The following SUGCT variants were observed in gnomAD, a reference collection of about 807,000 sequenced individuals.
SUGCT encodes succinyl-CoA:glutarate-CoA transferase.
A neutral mutation model predicts 55.0 loss-of-function variants in SUGCT; 41 were observed. That is an observed-to-expected ratio of 0.74 (90% confidence interval 0.58 to 0.97). SUGCT has a LOEUF of 0.97. Among genes scored for constraint, SUGCT ranks in the 50% least tolerant of loss-of-function variants. The pLI is 0.00. For synonymous variants in SUGCT, 187 were observed against 200.4 expected, an observed-to-expected ratio of 0.93 and a Z score of 0.56; for missense variants, 568 against 547.8, an observed-to-expected ratio of 1.04 and a Z score of -0.37.
chr7:40,552,207 G>A (rs67156695), intron 12 of SUGCT, among the ~76,000 whole-genome samples: 20,609 of 152,146 alleles, frequency 0.14, 1,530 homozygotes, highest in Middle Eastern at 0.19. Context: ...CGACTTGTGA[G>A]GAATTTCATA....
chr7:40,935,389 G>A, the SUGCT span, among the ~76,000 whole-genome samples: 3 of 152,120 alleles, frequency 2.0e-5, no homozygotes, highest in Non-Finnish European at 4.4e-5. Context: ...CATATCATTA[G>A]TTGTTACTTT....
At chr7:40,686,131 CTT>C (rs1211399743) in intron 12 of SUGCT, among the ~76,000 whole-genome samples, 1 of 152,022 alleles carries the variant, frequency 6.6e-6, no homozygotes, top group Non-Finnish European at 1.5e-5. Flanking sequence ...GTTGGTTATA[CTT>C]TTCTTCTGGT....
At chr7:40,902,853 C>T in the SUGCT span, among the ~76,000 whole-genome samples, 4 of 152,024 alleles carry the variant, frequency 2.6e-5, no homozygotes, top group South Asian at 8.3e-4. Context: ...AACAGAGGCT[C>T]CAAGAGATAC....
intron 9 of SUGCT, among the ~76,000 whole-genome samples, chr7:40,420,474 G>T (rs559090221): frequency 6.6e-6 from 1 of 152,160 alleles, no homozygotes; most frequent in East Asian, 1.9e-4. Flanking sequence ...GAGTAGCTGG[G>T]ATTACAGGTG....
chr7:40,378,763 A>T (rs965956819), intron 9 of SUGCT, among the ~76,000 whole-genome samples: 49 of 152,168 alleles, frequency 3.2e-4, no homozygotes, highest in African/African-American at 1.2e-3. Flanking sequence ...ATGAACCACC[A>T]TGCCTGGCCT....
intron 1 of SUGCT, among the ~76,000 whole-genome samples, chr7:40,156,046 G>A (rs1783877563): frequency 6.6e-6 from 1 of 151,888 alleles, no homozygotes; most frequent in Non-Finnish European, 1.5e-5. Context: ...TAGTAGGGAC[G>A]GGGTTTCACC....
At chr7:40,973,618 G>A in the SUGCT span, among the ~76,000 whole-genome samples, 1 of 152,226 alleles carries the variant, frequency 6.6e-6, no homozygotes. Flanking sequence ...GGGATAGGAC[G>A]CTGGTGCATG....
chr7:40,558,605 T>C (rs1795678668), intron 12 of SUGCT, among the ~76,000 whole-genome samples: 1 of 152,118 alleles, frequency 6.6e-6, no homozygotes, highest in African/African-American at 2.4e-5. Context: ...AGGCTTCGGT[T>C]GGTGGGGTGG....
At chr7:40,894,532 C>A in the SUGCT span, among the ~76,000 whole-genome samples, 1 of 152,108 alleles carries the variant, frequency 6.6e-6, no homozygotes, top group Non-Finnish European at 1.5e-5. Context: ...AAACAGACAA[C>A]CTACAGAATG....
the SUGCT span, among the ~76,000 whole-genome samples, chr7:40,899,972 G>T: frequency 6.6e-6 from 1 of 152,162 alleles, no homozygotes; most frequent in Non-Finnish European, 1.5e-5. Context: ...GCTGCGGTGG[G>T]CTGGGGGGTA....
chr7:41,020,616 T>C, the SUGCT span, among the ~76,000 whole-genome samples: 1 of 152,228 alleles, frequency 6.6e-6, no homozygotes, highest in Non-Finnish European at 1.5e-5. Flanking sequence ...GGAAATTCAA[T>C]GTTTTAATAA....
the SUGCT span, among the ~76,000 whole-genome samples, chr7:40,888,043 T>C: frequency 6.6e-6 from 1 of 152,134 alleles, no homozygotes; most frequent in Admixed American, 6.5e-5. Flanking sequence ...GAAAACAAGG[T>C]ACATCTGACT....
chr7:40,346,283 G>T (rs2151187988), intron 9 of SUGCT, among the ~76,000 whole-genome samples: 1 of 151,970 alleles, frequency 6.6e-6, no homozygotes, highest in East Asian at 1.9e-4. Flanking sequence ...CTAGAAATTT[G>T]CCCACTTAAT....
At chr7:40,257,621 A>T (rs1469587541) in intron 7 of SUGCT, among the ~76,000 whole-genome samples, 3 of 152,220 alleles carry the variant, frequency 2.0e-5, no homozygotes, top group African/African-American at 7.2e-5. Flanking sequence ...TATGCCTGTA[A>T]TCCCAGCACT....
chr7:40,940,836 C>A, the SUGCT span, among the ~76,000 whole-genome samples: 1 of 152,092 alleles, frequency 6.6e-6, no homozygotes, highest in African/African-American at 2.4e-5. Flanking sequence ...GTTGGATATC[C>A]TCTTTCCCAA....
intron 9 of SUGCT, among the ~76,000 whole-genome samples, chr7:40,385,145 C>T (rs1336786476): frequency 6.6e-6 from 1 of 152,116 alleles, no homozygotes; most frequent in African/African-American, 2.4e-5. Flanking sequence ...CTGCTAGAAT[C>T]CATCATGGCC....
intron 8 of SUGCT, among the ~76,000 whole-genome samples, chr7:40,282,706 CA>C (rs1274219257): frequency 4.0e-5 from 6 of 151,194 alleles, no homozygotes; most frequent in Admixed American, 2.6e-4. Flanking sequence ...CCTGTCTATA[CA>C]AAAAAATACA....
At chr7:40,506,435 C>T (rs1459859232) in intron 12 of SUGCT, among the ~76,000 whole-genome samples, 7 of 151,970 alleles carry the variant, frequency 4.6e-5, no homozygotes, top group Admixed American at 2.0e-4. Flanking sequence ...CGAAAGATTT[C>T]CTCTGTCTTT....
In SUGCT at chr7:40,308,879, G is replaced by A. The variant is rs552910576; in HGVS notation, c.721-7881G>A. 3.9e-5 allele frequency among the ~76,000 whole-genome samples: 6 copies of A among 152,264 alleles called. No individual in the cohort carries two copies. In the South Asian group the frequency reaches 1.2e-3, roughly 32 times the overall value. The stretch of plus-strand genomic sequence containing the variant: ...ACAAAAATTAGCTGGGCATGGTGTT[G>A]TGTACCTGTAATCCCAGCTACTGGG... On this transcript the variant is annotated intron_variant, in intron 8 of 13. Transcript: ENST00000335693.
Sources: gnomAD v4.1 joint callset for allele counts (sites outside exome capture counted in the v4.1 genomes callset) on GRCh38, gnomAD v4.1.1 for gene constraint, MANE v1.5 for transcripts, NCBI Gene and HGNC (gene_info 2026-07-23, HGNC 2026-07-21) for gene names.